The following PACRG variants were observed in gnomAD, a reference collection of about 807,000 sequenced individuals.
PACRG encodes parkin coregulated.
PACRG carries 29 observed loss-of-function variants against 29.7 expected under a neutral mutation model. That is an observed-to-expected ratio of 0.98 (90% CI 0.73 to 1.33). The LOEUF (loss-of-function observed/expected upper bound fraction) is 1.33, where lower values mean the gene tolerates loss of function less well. Ranked by LOEUF, PACRG falls within the 40% of genes most tolerant of loss-of-function variation. The pLI is 0.00. For synonymous variants in PACRG, 116 were observed against 118.7 expected (o/e 0.98, Z 0.15); for missense variants, 279 against 316.2 (o/e 0.88, Z 0.89).
At chr6:163,283,613 A>T (rs1784290887) in intron 4 of PACRG, among the ~76,000 whole-genome samples, 1 of 150,046 alleles carries the variant, frequency 6.7e-6, no homozygotes, top group Admixed American at 6.6e-5. Context: ...ATCCTGGCTA[A>T]CAAGGTGAAA....
intron 4 of PACRG, among the ~76,000 whole-genome samples, chr6:163,230,550 A>T (rs1781981711): frequency 6.6e-6 from 1 of 152,216 alleles, no homozygotes; most frequent in Non-Finnish European, 1.5e-5. Flanking sequence ...TTGAATAGAC[A>T]TTAAATTTCA....
chr6:163,227,070 TG>T (rs1284260670), intron 4 of PACRG, among the ~76,000 whole-genome samples: 1 of 152,182 alleles, frequency 6.6e-6, no homozygotes, highest in African/African-American at 2.4e-5. Flanking sequence ...CATGACTTCC[TG>T]CTTGTATTAG....
At chr6:163,307,469 G>A (rs1459452507) in intron 4 of PACRG, among the ~76,000 whole-genome samples, 1 of 152,232 alleles carries the variant, frequency 6.6e-6, no homozygotes, top group African/African-American at 2.4e-5. Flanking sequence ...TAGCGTGCCA[G>A]ATGCCGTGGT....
At chr6:163,231,887 A>G (rs1284298343) in intron 4 of PACRG, among the ~76,000 whole-genome samples, 1 of 152,224 alleles carries the variant, frequency 6.6e-6, no homozygotes, top group Non-Finnish European at 1.5e-5. Context: ...CTGAGCACGC[A>G]GTTACTGTAG....
At chr6:162,807,533 G>T (rs1451372299) in intron 1 of PACRG, among the ~76,000 whole-genome samples, 1 of 152,170 alleles carries the variant, frequency 6.6e-6, no homozygotes, top group Non-Finnish European at 1.5e-5. Context: ...GGAAGGGAGA[G>T]AGATAGGGGA....
At chr6:162,767,528 GT>G (rs56303512) in intron 1 of PACRG, among the ~76,000 whole-genome samples, 109,373 of 150,360 alleles carry the variant, frequency 0.73, 40,669 homozygotes, top group East Asian at 0.99. Context: ...ATCCTTAGGT[GT>G]TTTTTTTTGT....
At position 163,036,999 on chromosome 6, in the gene PACRG, C is replaced by T. The variant is rs116907955; in HGVS notation, c.292-25151C>T. Among the ~76,000 whole-genome samples, 1,172 of 152,196 alleles carry T rather than the reference C, an allele frequency of 7.7e-3. 10 individuals carry two copies. Among genetic ancestry groups the T allele is most frequent in the South Asian group, 0.016 (76 of 4,814 alleles). On this transcript the variant is annotated intron_variant, in intron 2 of 4. Transcript: ENST00000366888. ...CAGAAATAAAGAAAGATAGACCTAA[C>T]GAGAGAGGCGAATTGTAAACAAGTG...
At chr6:163,038,039 A>G (rs1239989774) in intron 2 of PACRG, among the ~76,000 whole-genome samples, 1 of 152,270 alleles carries the variant, frequency 6.6e-6, no homozygotes, top group Non-Finnish European at 1.5e-5. Context: ...GATGGTTTAC[A>G]TGAATTAACT....
intron 3 of PACRG, among the ~76,000 whole-genome samples, chr6:163,073,989 C>T (rs558963367): frequency 6.6e-6 from 1 of 152,242 alleles, no homozygotes; most frequent in South Asian, 2.1e-4. Flanking sequence ...TACATTAATA[C>T]AACCACTATG....
At chr6:162,747,990 G>C (rs141210032) in intron 1 of PACRG, among the ~76,000 whole-genome samples, 1 of 152,110 alleles carries the variant, frequency 6.6e-6, no homozygotes, top group African/African-American at 2.4e-5. Flanking sequence ...CTGCTGTGCT[G>C]ATGTTAGCAC....
intron 4 of PACRG, among the ~76,000 whole-genome samples, chr6:163,302,375 G>A (rs116381656): frequency 3.3e-3 from 499 of 151,530 alleles, no homozygotes; most frequent in African/African-American, 0.011. Context: ...TAATACACTT[G>A]GGGCAAAGTG....
At chr6:162,806,711 A>G (rs1786366032) in intron 1 of PACRG, among the ~76,000 whole-genome samples, 1 of 152,178 alleles carries the variant, frequency 6.6e-6, no homozygotes, top group Non-Finnish European at 1.5e-5. Context: ...TACAGGAAGC[A>G]TAGATTTTGC....
rs368803123 is a variant in PACRG, at chr6:162,914,753, G to A, written c.291+100472G>A. 9.2e-5 allele frequency among the ~76,000 whole-genome samples: 14 copies of A among 151,554 alleles called. 1 individual carries two copies. The highest frequency in any genetic ancestry group is 7.7e-4 in the East Asian group (4 of 5,194). On this transcript the variant is annotated intron_variant, in intron 2 of 4. Coordinates refer to ENST00000366888, the MANE Select transcript of PACRG (RefSeq NM_001080379.2). ...CTCAGCAATGTTTTGTAATTTTTTA[G>A]TGCAGAGTCATAAATACCTTTTATT...
chr6:162,804,765 C>G (rs893976498), intron 1 of PACRG, among the ~76,000 whole-genome samples: 3 of 151,970 alleles, frequency 2.0e-5, no homozygotes, highest in African/African-American at 7.3e-5. Context: ...GCCATTGTTG[C>G]CTATAGTGCC....
chr6:163,121,938 A>C (rs566090021), intron 4 of PACRG, among the ~76,000 whole-genome samples: 2 of 152,104 alleles, frequency 1.3e-5, no homozygotes, highest in Admixed American at 1.3e-4. Context: ...CTGGGATTAC[A>C]GGTGTGAGCC....
chr6:163,184,145 G>A (rs1377433916), intron 4 of PACRG, among the ~76,000 whole-genome samples: 1 of 152,184 alleles, frequency 6.6e-6, no homozygotes, highest in Non-Finnish European at 1.5e-5. Context: ...GCCTTAAGCT[G>A]CAGATAAAAG....
rs558941276 is a variant in PACRG, at chr6:162,739,780, T to G, written c.156+11389T>G. ...TCACTTGAACCCGGGAGCCAGAGATTGCAGTGAGCTGAGATAGTGCCACTG... is the reference window on the plus strand; with the variant it reads ...TCACTTGAACCCGGGAGCCAGAGATGGCAGTGAGCTGAGATAGTGCCACTG... On this transcript the variant is annotated intron_variant, in intron 1 of 4. Coordinates refer to ENST00000366888, the MANE Select transcript of PACRG (RefSeq NM_001080379.2). 6.0e-5 allele frequency among the ~76,000 whole-genome samples: 9 copies of G among 150,350 alleles called. No individual in the cohort carries two copies. In the East Asian group the frequency reaches 1.8e-3, roughly 29 times the overall value.
In PACRG at chr6:162,732,090, G is replaced by A. The variant is rs567089041; in HGVS notation, c.156+3699G>A. ...CCATTATGTGCATGACCCAGACACA[G>A]CACCCCACTTTCATTCTCATCCAAC... On this transcript the variant is annotated intron_variant, in intron 1 of 4. Transcript: ENST00000366888. 6.6e-4 allele frequency among the ~76,000 whole-genome samples: 101 copies of A among 152,210 alleles called. 1 individual carries two copies. Among genetic ancestry groups the A allele is most frequent in the South Asian group, 5.2e-3 (25 of 4,820 alleles).
intron 4 of PACRG, among the ~76,000 whole-genome samples, chr6:163,223,158 C>T (rs1053371907): frequency 2.6e-5 from 4 of 152,120 alleles, no homozygotes; most frequent in Admixed American, 6.5e-5. Flanking sequence ...CTTTGGGGGG[C>T]CGAGGCGGGT....
Sources: allele counts gnomAD v4.1 joint callset (sites outside exome capture counted in the v4.1 genomes callset), GRCh38; gene constraint gnomAD v4.1.1; transcripts MANE v1.5; gene names NCBI Gene and HGNC (gene_info 2026-07-23, HGNC 2026-07-21).